Variants in NCKAP5 observed in about 807,000 individuals in gnomAD.
NCKAP5 encodes NCK associated protein 5, also known as nck-associated protein 5.
In NCKAP5, 92 loss-of-function variants were observed where a neutral mutation model predicts 167.0. That is an observed-to-expected ratio of 0.55 (90% CI 0.47 to 0.66). NCKAP5 has a LOEUF of 0.66. Ranked by LOEUF, NCKAP5 falls within the 30% of genes least tolerant of loss-of-function variation. The pLI is 0.00. For missense variants in NCKAP5, 2,378 were observed against 2,315.0 expected (o/e 1.03, Z -0.56); for synonymous variants, 891 against 877.4 (o/e 1.02, Z -0.27).
At chr2:132,820,245 T>G (rs79358797) in intron 11 of NCKAP5, among the ~76,000 whole-genome samples, 1 of 151,896 alleles carries the variant, frequency 6.6e-6, no homozygotes, top group African/African-American at 2.4e-5. Flanking sequence ...GTTTTTTTTT[T>G]AAGAGACAGA....
intron 5 of NCKAP5, among the ~76,000 whole-genome samples, chr2:133,210,955 C>T (rs939283180): frequency 3.3e-5 from 5 of 152,044 alleles, no homozygotes; most frequent in Admixed American, 6.6e-5. Flanking sequence ...GTCAGGGATC[C>T]GTTGAGACCT....
rs576619279 is a variant in NCKAP5, at chr2:133,014,848, T to C, written c.342-20609A>G. Among the ~76,000 whole-genome samples the C allele has an allele frequency of 8.5e-5, 13 of 152,314 alleles. No individual in the cohort carries two copies. The South Asian group carries it at 2.7e-3, about 32-fold the overall frequency. On this transcript the variant is annotated intron_variant, in intron 6 of 19. Coordinates refer to ENST00000409261, the MANE Select transcript of NCKAP5 (RefSeq NM_207363.3). ...TATAATGTTTTCCATTGAAAGACTT[T>C]CTAATTTATAAGCAAGATCTAAGAT...
chr2:132,812,242 T>G (rs749102490), intron 11 of NCKAP5, among the ~76,000 whole-genome samples: 32 of 152,332 alleles, frequency 2.1e-4, no homozygotes, highest in Middle Eastern at 3.4e-3. Flanking sequence ...AGCCTCCGCA[T>G]GCTGCCTTGT....
chr2:133,524,982 ATG>A (rs1050474196), intron 2 of NCKAP5, among the ~76,000 whole-genome samples: 3 of 152,118 alleles, frequency 2.0e-5, no homozygotes, highest in African/African-American at 4.8e-5. Context: ...GTATGTGTGC[ATG>A]TGTGTGTGTA....
intron 7 of NCKAP5, among the ~76,000 whole-genome samples, chr2:132,984,879 C>T (rs2077246283): frequency 6.7e-6 from 1 of 149,228 alleles, no homozygotes. Context: ...GTTTCTTAGA[C>T]CAGGAAATAA....
chr2:133,332,524 T>C lies in NCKAP5; in HGVS notation c.70-29414A>G, dbSNP rs111659290. On this transcript the variant is annotated intron_variant, in intron 3 of 19. Transcript: ENST00000409261. The stretch of plus-strand genomic sequence containing the variant: ...TACCTGTTTACACAGAAAATGAGTT[T>C]TTAGAATAATGATTCTGAGGCAATA... Among the ~76,000 whole-genome samples, 149 of 152,344 alleles carry C rather than the reference T, an allele frequency of 9.8e-4. 2 individuals carry two copies. Among genetic ancestry groups the C allele is most frequent in the African/African-American group, 3.4e-3 (143 of 41,572 alleles).
chr2:133,672,101 T>C, the NCKAP5 span, among the ~76,000 whole-genome samples: 12 of 152,190 alleles, frequency 7.9e-5, no homozygotes, highest in Admixed American at 4.6e-4. Flanking sequence ...ATGGACTTCT[T>C]TCAAAAAGCT....
At chr2:133,514,912 T>C (rs992387292) in intron 3 of NCKAP5, among the ~76,000 whole-genome samples, 3 of 152,020 alleles carry the variant, frequency 2.0e-5, no homozygotes, top group Admixed American at 1.3e-4. Flanking sequence ...GATTTTCACT[T>C]TAGCATTCTA....
rs544240013 is a variant in NCKAP5, at chr2:133,466,372, C to T, written c.69+51086G>A. Among the ~76,000 whole-genome samples, 523 of 149,232 alleles carry T rather than the reference C, an allele frequency of 3.5e-3. 6 individuals are homozygous for T. The highest frequency in any genetic ancestry group is 0.028 in the Admixed American group (405 of 14,516). On this transcript the variant is annotated intron_variant, in intron 3 of 19. Transcript: ENST00000409261. ...CTGTTCTGTTCCATTGATCTATATC[C>T]CTGTTTTGGTACCAGTACCATGCTG...
intron 3 of NCKAP5, among the ~76,000 whole-genome samples, chr2:133,500,767 G>T (rs148770968): frequency 6.6e-6 from 1 of 152,148 alleles, no homozygotes; most frequent in African/African-American, 2.4e-5. Context: ...ATCTTTATAC[G>T]TAAGTTTATT....
At chr2:133,266,688 G>C (rs1306665007) in intron 4 of NCKAP5, among the ~76,000 whole-genome samples, 1 of 152,156 alleles carries the variant, frequency 6.6e-6, no homozygotes, top group Non-Finnish European at 1.5e-5. Flanking sequence ...CGCGCTCACC[G>C]CAGCCCGGGC....
the NCKAP5 span, among the ~76,000 whole-genome samples, chr2:133,663,403 G>T: frequency 8.5e-5 from 13 of 152,162 alleles, no homozygotes; most frequent in African/African-American, 2.7e-4. Flanking sequence ...GGCTGGGACG[G>T]TGGTGCCAAT....
intron 6 of NCKAP5, among the ~76,000 whole-genome samples, chr2:133,060,641 A>C (rs771118551): frequency 5.3e-5 from 8 of 152,138 alleles, no homozygotes; most frequent in Non-Finnish European, 1.0e-4. Context: ...AGTAAAATTG[A>C]ATGGAGATTT....
intron 3 of NCKAP5, among the ~76,000 whole-genome samples, chr2:133,380,815 A>G (rs1026361606): frequency 6.6e-6 from 1 of 152,222 alleles, no homozygotes; most frequent in African/African-American, 2.4e-5. Flanking sequence ...TTGGAGAAGC[A>G]CCAGTTTAGA....
Position 132,773,982 on chromosome 2 carries a change from A to G in NCKAP5, c.5050-88T>C, listed in dbSNP as rs1682323522. The G allele has an allele frequency of 3.7e-6, 4 of 1,090,410 alleles. No homozygotes were observed. The South Asian group carries it at 5.7e-5, about 15-fold the overall frequency. 67.5% of individuals were successfully genotyped at this position (1,090,410 alleles called of 1,614,324 possible). A position where few individuals can be genotyped will look rare whatever the true frequency, so the allele number is the denominator to read the frequency against. ...CCTCAGAGTAATGGTACATTCTATA[A>G]CAAATATGTGGGCATAGGTGTGAGT... is the stretch of plus-strand genomic sequence containing the variant. On this transcript the variant is annotated intron_variant, in intron 15 of 19. Coordinates refer to ENST00000409261, the MANE Select transcript of NCKAP5 (RefSeq NM_207363.3).
At chr2:133,162,046 C>T (rs2083814407) in intron 5 of NCKAP5, among the ~76,000 whole-genome samples, 1 of 152,202 alleles carries the variant, frequency 6.6e-6, no homozygotes, top group Admixed American at 6.5e-5. Flanking sequence ...CAGATTTGCA[C>T]TTACTCATTC....
chr2:133,504,261 CTGGGTT>C (rs1178112225), intron 3 of NCKAP5, among the ~76,000 whole-genome samples: 1 of 149,832 alleles, frequency 6.7e-6, no homozygotes, highest in African/African-American at 2.5e-5. Flanking sequence ...TTGTATAAAT[CTGGGTT>C]TACACCAATA....
rs2076107157 is a variant in NCKAP5, at chr2:132,949,270, C to T, written c.579+14450G>A. Among the ~76,000 whole-genome samples, 5 of 152,156 alleles carry T rather than the reference C, an allele frequency of 3.3e-5. No individual in the cohort carries two copies. The South Asian group carries it at 1.0e-3, about 32-fold the overall frequency. The stretch of plus-strand genomic sequence containing the variant: ...TTTGACATCTGGGACCTTGCTGACT[C>T]TGGAGGGGCAGTCCCTTCAAGGTTG... On this transcript the variant is annotated intron_variant, in intron 8 of 19. Coordinates refer to ENST00000409261, the MANE Select transcript of NCKAP5 (RefSeq NM_207363.3).
intron 6 of NCKAP5, among the ~76,000 whole-genome samples, chr2:133,023,929 G>T (rs576943990): frequency 2.6e-5 from 4 of 152,012 alleles, no homozygotes; most frequent in Non-Finnish European, 5.9e-5. Context: ...AATCAGCAAG[G>T]AACTTATTCC....
Sources: gnomAD v4.1 joint callset for allele counts (sites outside exome capture counted in the v4.1 genomes callset) on GRCh38, gnomAD v4.1.1 for gene constraint, MANE v1.5 for transcripts, NCBI Gene and HGNC (gene_info 2026-07-23, HGNC 2026-07-21) for gene names.